The following NAF1 variants were observed in gnomAD, a reference collection of about 807,000 sequenced individuals.
NAF1 encodes nuclear assembly factor 1 ribonucleoprotein.
In NAF1, 11 loss-of-function variants were observed where a neutral mutation model predicts 40.6. The ratio of observed to expected loss-of-function variants is 0.27; its 90% CI spans 0.17 to 0.45. The LOEUF is 0.45. Ranked by LOEUF, NAF1 falls within the 20% of genes least tolerant of loss-of-function variation. NAF1 has a pLI of 1.00. For missense variants in NAF1, 607 were observed against 611.1 expected, an observed-to-expected ratio of 0.99 and a Z score of 0.07; for synonymous variants, 260 against 228.5, an observed-to-expected ratio of 1.14 and a Z score of -1.24.
At position 163,116,303 on chromosome 4, in the gene NAF1, A is replaced by G. The variant is rs1362706004; in HGVS notation, c.115-6013T>C. ...TGAAACTGCTACCACAAGTGTCCTTATTATGGAATTTTGAGAAAATTATAA... is the reference window on the plus strand; with the variant it reads ...TGAAACTGCTACCACAAGTGTCCTTGTTATGGAATTTTGAGAAAATTATAA... On this transcript the variant is annotated intron_variant, in intron 2 of 2. Transcript: ENST00000509434. 2.0e-5 allele frequency among the ~76,000 whole-genome samples: 3 copies of G among 152,338 alleles called. No individual in the cohort carries two copies. The East Asian group carries it at 5.8e-4, about 29-fold the overall frequency.
chr4:163,140,443 AGT>A (rs1731215330), intron 4 of NAF1, 60 bp from the exon 5 acceptor site: 1 of 1,445,142 alleles, frequency 6.9e-7, no homozygotes, highest in Admixed American at 2.2e-5. Context: ...AAAAGTCAGC[AGT>A]GTTTTCTTTT....
chr4:163,163,384 T>C (rs1203337499), intron 2 of NAF1, among the ~76,000 whole-genome samples: 1 of 152,160 alleles, frequency 6.6e-6, no homozygotes, highest in Non-Finnish European at 1.5e-5. Flanking sequence ...ATTTATTTTT[T>C]CAAATCTTGC....
intron 2 of NAF1, among the ~76,000 whole-genome samples, chr4:163,153,803 G>A (rs1210680342): frequency 3.9e-5 from 6 of 152,124 alleles, no homozygotes; most frequent in African/African-American, 1.2e-4. Context: ...GCCAGCATTG[G>A]CAACCCGCTC....
chr4:163,110,969 T>C (rs1300336727), intron 2 of NAF1, among the ~76,000 whole-genome samples: 1 of 152,184 alleles, frequency 6.6e-6, no homozygotes, highest in Non-Finnish European at 1.5e-5. Context: ...CCTTTTCACA[T>C]ATTAAACACC....
chr4:163,133,099 C>T lies in NAF1; in HGVS notation c.1033+55G>A, dbSNP rs1053927954. ...TTCCTTCAGTTTTATTATTGATAAA[C>T]TTATATAGATGTAAATGAAGATAAA... is the stretch of plus-strand genomic sequence containing the variant. On this transcript the variant is annotated intron_variant, in intron 7 of 7. Transcript: ENST00000274054. The T allele has an allele frequency of 3.6e-6, 5 of 1,403,044 alleles. No individual in the cohort carries two copies. The African/African-American group carries it at 5.7e-5, about 16-fold the overall frequency. The allele number at this position is 1,403,044 out of a possible 1,614,324, so 86.9% of individuals were successfully genotyped here. A position where few individuals can be genotyped will look rare whatever the true frequency, so the allele number is the denominator to read the frequency against.
At chr4:163,157,789 C>T (rs1184904360) in intron 2 of NAF1, among the ~76,000 whole-genome samples, 1 of 151,988 alleles carries the variant, frequency 6.6e-6, no homozygotes, top group African/African-American at 2.4e-5. Flanking sequence ...TACCACATAA[C>T]ATTAAAAATC....
intron 7 of NAF1, among the ~76,000 whole-genome samples, chr4:163,130,731 T>C (rs1303528167): frequency 6.6e-6 from 1 of 152,166 alleles, no homozygotes; most frequent in Non-Finnish European, 1.5e-5. Context: ...CACCTGGACA[T>C]CCACATGCAA....
chr4:163,157,702 T>A (rs1383788145), intron 2 of NAF1, among the ~76,000 whole-genome samples: 1 of 152,108 alleles, frequency 6.6e-6, no homozygotes, highest in Non-Finnish European at 1.5e-5. Flanking sequence ...GTCTGTTTTG[T>A]AAGATTATTA....
chr4:163,121,583 GATT>G (rs1365069834), intron 2 of NAF1, among the ~76,000 whole-genome samples: 1 of 152,118 alleles, frequency 6.6e-6, no homozygotes, highest in African/African-American at 2.4e-5. Flanking sequence ...AGACCTCAGA[GATT>G]ATTATTGGTG....
chr4:163,132,795 G>C (rs1730920789), intron 7 of NAF1, among the ~76,000 whole-genome samples: 1 of 152,160 alleles, frequency 6.6e-6, no homozygotes. Flanking sequence ...ATCTCAGAAA[G>C]TTTAATTTTC....
chr4:163,154,409 G>A (rs1388519082), intron 2 of NAF1, among the ~76,000 whole-genome samples: 3 of 152,168 alleles, frequency 2.0e-5, no homozygotes, highest in Non-Finnish European at 2.9e-5. Context: ...TATGTAAGAG[G>A]TAAGTGAAAC....
At chr4:163,116,745 T>G (rs1450115149) in intron 2 of NAF1, among the ~76,000 whole-genome samples, 1 of 152,202 alleles carries the variant, frequency 6.6e-6, no homozygotes, top group Non-Finnish European at 1.5e-5. Flanking sequence ...TTATAAAATG[T>G]TAATGTTTAC....
At position 163,129,195 on chromosome 4, in the gene NAF1, T is replaced by A; in HGVS notation, c.1187A>T (p.Tyr396Phe). The change falls in exon 8 of 8, where the codon TAT (tyrosine) becomes TTT (phenylalanine). Residue 396 changes from tyrosine to phenylalanine, a missense_variant. Transcript: ENST00000274054. Reference sequence around the variant, plus strand: ...CTGAGATACCATATGTTCTGAGTTATAGAAATGCTGAGGTGGAGGCCTGCC... The same window carrying A: ...CTGAGATACCATATGTTCTGAGTTAAAGAAATGCTGAGGTGGAGGCCTGCC... ...CHGRPPPQHFYNSEHMVSQET... is the reference protein window; with the variant it reads ...CHGRPPPQHFFNSEHMVSQET... 1 of 1,613,924 alleles carries A rather than the reference T, an allele frequency of 6.2e-7. No individual in the cohort carries two copies. Among genetic ancestry groups the A allele is most frequent in the African/African-American group, 1.3e-5 (1 of 75,034 alleles).
downstream of NAF1, chr4:163,127,219 T>C (rs1171956266): frequency 9.5e-6 from 13 of 1,369,806 alleles, no homozygotes; most frequent in African/African-American, 9.0e-5. Flanking sequence ...AACCTCTGCC[T>C]CCCAGGTTCA....
At chr4:163,137,281 G>A (rs374534767) in intron 5 of NAF1, 31 bp from the exon 6 acceptor site, 124 of 1,591,144 alleles carry the variant, frequency 7.8e-5, no homozygotes, top group Non-Finnish European at 3.9e-5. Context: ...AGTCAAAAAA[G>A]TATTCATCAC....
At chr4:163,127,041 C>T (rs1560782350), downstream of NAF1, 1 of 1,551,412 alleles carries the variant, frequency 6.4e-7, no homozygotes, top group South Asian at 1.2e-5. Flanking sequence ...ATTTGGAAAC[C>T]AAAAAGTTTG....
intron 1 of NAF1, among the ~76,000 whole-genome samples, chr4:163,166,003 A>G (rs1560812772): frequency 6.6e-6 from 1 of 152,160 alleles, no homozygotes; most frequent in Non-Finnish European, 1.5e-5. Context: ...CAGATCTGAC[A>G]CAAAACTCAA....
At chr4:163,150,353 C>A (rs1240478731) in intron 2 of NAF1, among the ~76,000 whole-genome samples, 3 of 152,092 alleles carry the variant, frequency 2.0e-5, no homozygotes, top group Non-Finnish European at 4.4e-5. Flanking sequence ...TTCCTTTCAA[C>A]CACCCAGTGC....
At chr4:163,122,534 C>T (rs1451003185), downstream of NAF1, among the ~76,000 whole-genome samples, 1 of 152,198 alleles carries the variant, frequency 6.6e-6, no homozygotes, top group Non-Finnish European at 1.5e-5. Flanking sequence ...AGTCACTTAC[C>T]TACACAGAAG....
Sources: allele counts gnomAD v4.1 joint callset (sites outside exome capture counted in the v4.1 genomes callset), GRCh38; gene constraint gnomAD v4.1.1; transcripts MANE v1.5; gene names NCBI Gene and HGNC (gene_info 2026-07-23, HGNC 2026-07-21).